Variants in AFG1L observed in about 807,000 individuals in gnomAD.
AFG1L encodes AFG1-like ATPase.
Under a neutral mutation model 62.2 loss-of-function variants are expected in AFG1L, and 53 were observed. The observed-to-expected ratio is 0.85, with a 90% CI of 0.68 to 1.07. The LOEUF (loss-of-function observed/expected upper bound fraction) is 1.07. Ranked by LOEUF, AFG1L falls within the 50% of genes least tolerant of loss-of-function variation. The probability of loss-of-function intolerance (pLI) is 0.00; values close to 1 mark genes in which losing one functional copy is unlikely to be tolerated. For synonymous variants in AFG1L, 228 were observed against 210.3 expected (o/e 1.08, Z -0.73); for missense variants, 555 against 590.5 (o/e 0.94, Z 0.62).
intron 1 of AFG1L, among the ~76,000 whole-genome samples, chr6:108,318,915 T>A (rs888972982): frequency 3.2e-4 from 48 of 152,338 alleles, no homozygotes; most frequent in African/African-American, 9.9e-4. Context: ...TTAATGCAGC[T>A]TTTGAGAAGT....
intron 6 of AFG1L, among the ~76,000 whole-genome samples, chr6:108,381,508 A>T (rs945646709): frequency 1.3e-5 from 2 of 152,192 alleles, no homozygotes; most frequent in Non-Finnish European, 2.9e-5. Context: ...TCAAGGCTAC[A>T]GTGAGCTACA....
At chr6:108,483,219 C>A (rs80024649) in intron 10 of AFG1L, among the ~76,000 whole-genome samples, 1 of 109,124 alleles carries the variant, frequency 9.2e-6, no homozygotes, top group Admixed American at 1.2e-4. Context: ...TTCAAAAAAA[C>A]AGAAGTATTT....
intron 6 of AFG1L, among the ~76,000 whole-genome samples, chr6:108,385,501 T>C (rs1037374943): frequency 1.3e-5 from 2 of 152,260 alleles, no homozygotes; most frequent in African/African-American, 4.8e-5. Context: ...TACTTGTAGT[T>C]AATCTATAAT....
intron 3 of AFG1L, among the ~76,000 whole-genome samples, chr6:108,354,860 G>A (rs1779206604): frequency 6.6e-6 from 1 of 152,114 alleles, no homozygotes; most frequent in African/African-American, 2.4e-5. Context: ...TCAGATAAGA[G>A]GGTTCTACTA....
intron 7 of AFG1L, among the ~76,000 whole-genome samples, chr6:108,423,250 C>T (rs918125872): frequency 5.3e-5 from 8 of 152,002 alleles, no homozygotes; most frequent in South Asian, 2.1e-4. Flanking sequence ...GTCTTAGAAA[C>T]GAACCATCTT....
intron 8 of AFG1L, among the ~76,000 whole-genome samples, chr6:108,469,320 T>C (rs559454817): frequency 6.6e-6 from 1 of 152,274 alleles, no homozygotes; most frequent in African/African-American, 2.4e-5. Context: ...GTACAGATTG[T>C]TAGTTACACT....
At chr6:108,370,534 T>C (rs1190534207) in intron 6 of AFG1L, among the ~76,000 whole-genome samples, 2 of 151,988 alleles carry the variant, frequency 1.3e-5, no homozygotes, top group African/African-American at 2.4e-5. Flanking sequence ...AGCCAAAGTA[T>C]CCTATAATTT....
chr6:108,433,366 G>A (rs1771162928), intron 7 of AFG1L, among the ~76,000 whole-genome samples: 1 of 151,706 alleles, frequency 6.6e-6, no homozygotes, highest in Admixed American at 6.6e-5. Context: ...TGCAACCTCC[G>A]CCTCCCGGGT....
intron 2 of AFG1L, among the ~76,000 whole-genome samples, chr6:108,345,622 C>A (rs1778836174): frequency 6.6e-6 from 1 of 151,324 alleles, no homozygotes; most frequent in African/African-American, 2.4e-5. Context: ...TAGATGTGAG[C>A]CACCATGCCT....
chr6:108,329,361 C>T lies in AFG1L; in HGVS notation c.363+5313C>T, dbSNP rs185179218. On this transcript the variant is annotated intron_variant, in intron 2 of 12. Coordinates refer to ENST00000368977, the MANE Select transcript of AFG1L (RefSeq NM_145315.5). The stretch of plus-strand genomic sequence containing the variant: ...TCACCCAGGCTGGAGTGCAATGGTG[C>T]GATCTTGGCTCACTGCAACCTCTGC... Among the ~76,000 whole-genome samples the T allele has an allele frequency of 4.3e-3, 648 of 151,986 alleles. 5 individuals carry two copies. The highest frequency in any genetic ancestry group is 0.014 in the African/African-American group (572 of 41,446).
At chr6:108,500,542 C>T (rs941122650) in intron 10 of AFG1L, among the ~76,000 whole-genome samples, 1 of 152,046 alleles carries the variant, frequency 6.6e-6, no homozygotes, top group Admixed American at 6.6e-5. Flanking sequence ...ATCCAGTCCA[C>T]CATTGATGGA....
At chr6:108,446,051 TACAC>T (rs67384163) in intron 7 of AFG1L, among the ~76,000 whole-genome samples, 5,106 of 141,718 alleles carry the variant, frequency 0.036, 111 homozygotes, top group East Asian at 0.097. Flanking sequence ...TATGTAGAGA[TACAC>T]ACACACACAC....
chr6:108,464,628 C>T (rs539311746), intron 8 of AFG1L, among the ~76,000 whole-genome samples: 14 of 152,122 alleles, frequency 9.2e-5, no homozygotes, highest in African/African-American at 3.4e-4. Context: ...CCTGCCCCTC[C>T]GCTGCAGTTT....
chr6:108,426,950 A>C (rs912894005), intron 7 of AFG1L, among the ~76,000 whole-genome samples: 4 of 152,082 alleles, frequency 2.6e-5, no homozygotes, highest in African/African-American at 9.7e-5. Flanking sequence ...ATACATATCT[A>C]TATATATGTC....
intron 4 of AFG1L, among the ~76,000 whole-genome samples, chr6:108,356,168 G>T (rs1779279265): frequency 6.6e-6 from 1 of 152,202 alleles, no homozygotes; most frequent in Non-Finnish European, 1.5e-5. Context: ...ACTTTTGCAT[G>T]ATTTGTTTAC....
chr6:108,373,639 ATGCAGTGACATGATCTCGGCTC>A (rs1307172622), intron 6 of AFG1L, among the ~76,000 whole-genome samples: 2 of 150,776 alleles, frequency 1.3e-5, no homozygotes, highest in Non-Finnish European at 3.0e-5. Flanking sequence ...TCAGGCTGGA[ATGCAGTGACATGATCTCGGCTC>A]TGCCTCCCAG....
chr6:108,507,417 A>C lies in AFG1L; in HGVS notation c.1063-2795A>C, dbSNP rs1238354439. Among the ~76,000 whole-genome samples the C allele has an allele frequency of 2.0e-5, 3 of 152,346 alleles. No homozygotes were observed. In the East Asian group the frequency reaches 5.8e-4, roughly 29 times the overall value. Reference sequence around the variant, plus strand: ...CTTTGTTTTCTTTATGTGAATGAGCATGTAATTGTTTTAGGGATATGAGGG... The same window carrying C: ...CTTTGTTTTCTTTATGTGAATGAGCCTGTAATTGTTTTAGGGATATGAGGG... On this transcript the variant is annotated intron_variant, in intron 10 of 12. Transcript: ENST00000368977.
chr6:108,515,649 T>G (rs186065836), intron 11 of AFG1L, among the ~76,000 whole-genome samples: 6 of 151,950 alleles, frequency 3.9e-5, no homozygotes, highest in Admixed American at 3.3e-4. Context: ...GTAACTAAGA[T>G]CAGAATAGAA....
rs35463163 is a variant in AFG1L at position 108,407,692 on chromosome 6, TAA to T, written c.807+5652_807+5653del. Among the ~76,000 whole-genome samples, 927 of 146,438 alleles carry T rather than the reference TAA, an allele frequency of 6.3e-3. 1 individual carries two copies. The highest frequency in any genetic ancestry group is 8.7e-3 in the Non-Finnish European group (578 of 66,548). On this transcript the variant is annotated intron_variant, in intron 7 of 12. Coordinates refer to ENST00000368977, the MANE Select transcript of AFG1L (RefSeq NM_145315.5). ...AAAGCAATACCCTGTCTCTGGAAAT[TAA>T]AAAAAAAAAAAAATCAATCCCACAG...
Sources: allele counts gnomAD v4.1 joint callset (sites outside exome capture counted in the v4.1 genomes callset), GRCh38; gene constraint gnomAD v4.1.1; transcripts MANE v1.5; gene names NCBI Gene and HGNC (gene_info 2026-07-23, HGNC 2026-07-21).